Variants in TBC1D4 observed in about 807,000 individuals in gnomAD.
TBC1D4 encodes TBC1 domain family member 4, also known as TBC (Tre-2, BUB2, CDC16) domain-containing protein.
In TBC1D4, 121 loss-of-function variants were observed where a neutral mutation model predicts 142.5. The observed-to-expected ratio is 0.85, with a 90% CI of 0.73 to 0.99. The LOEUF is 0.99. Ranked by LOEUF, TBC1D4 falls within the 50% of genes least tolerant of loss-of-function variation. The pLI is 0.00. For missense variants in TBC1D4, 1,475 were observed against 1,606.6 expected (o/e 0.92, Z 1.40); for synonymous variants, 630 against 628.2 (o/e 1.00, Z -0.04).
chr13:75,400,307 A>G (rs9543922), intron 1 of TBC1D4, among the ~76,000 whole-genome samples: 151,476 of 152,230 alleles, frequency 1, 75,368 homozygotes, highest in Middle Eastern at 1. Context: ...CACTGTTTAC[A>G]TGGTTCCCAT....
intron 5 of TBC1D4, among the ~76,000 whole-genome samples, chr13:75,344,344 A>C (rs778659881): frequency 3.3e-5 from 5 of 152,264 alleles, no homozygotes; most frequent in Non-Finnish European, 7.3e-5. Flanking sequence ...AACTAAATTC[A>C]TAAACTAGGA....
At chr13:75,335,305 C>T (rs1039719080) in intron 8 of TBC1D4, among the ~76,000 whole-genome samples, 2 of 152,162 alleles carry the variant, frequency 1.3e-5, no homozygotes, top group Admixed American at 1.3e-4. Flanking sequence ...CAGTGGGTCC[C>T]CCATGCCACA....
intron 4 of TBC1D4, among the ~76,000 whole-genome samples, chr13:75,353,202 A>G (rs575380953): frequency 6.6e-6 from 1 of 152,312 alleles, no homozygotes; most frequent in African/African-American, 2.4e-5. Flanking sequence ...CAGACTTTCT[A>G]CTGTGATTCC....
chr13:75,340,821 C>A (rs1337303994), intron 7 of TBC1D4, among the ~76,000 whole-genome samples: 2 of 152,156 alleles, frequency 1.3e-5, no homozygotes, highest in African/African-American at 4.8e-5. Flanking sequence ...TGGTGCATGC[C>A]TGTAGTCCCA....
At chr13:75,326,158 T>G in intron 10 of TBC1D4, 39 bp downstream of exon 10, 2,020 of 1,592,056 alleles carry the variant, frequency 1.3e-3, no homozygotes, top group Non-Finnish European at 1.6e-3. Context: ...CTGTGTGCCT[T>G]GAGAATCTAG....
chr13:75,328,913 G>A (rs1364283071), intron 8 of TBC1D4, among the ~76,000 whole-genome samples: 1 of 151,934 alleles, frequency 6.6e-6, no homozygotes, highest in Non-Finnish European at 1.5e-5. Flanking sequence ...AAAAGTGGTG[G>A]TCATCAACCC....
At chr13:75,289,744 T>C (rs537222128) in intron 19 of TBC1D4, among the ~76,000 whole-genome samples, 4 of 152,266 alleles carry the variant, frequency 2.6e-5, no homozygotes, top group Admixed American at 1.3e-4. Context: ...TAAGGTTTAA[T>C]TAGGGCTGCT....
intron 17 of TBC1D4, 143 bp downstream of exon 17, chr13:75,299,187 G>T: frequency 7.1e-7 from 1 of 1,416,744 alleles, no homozygotes; most frequent in Non-Finnish European, 9.6e-7. Context: ...CACACTAAGT[G>T]AACTAAAACA....
intron 1 of TBC1D4, among the ~76,000 whole-genome samples, chr13:75,413,886 T>A (rs1300244446): frequency 7.9e-5 from 12 of 152,124 alleles, no homozygotes. Flanking sequence ...AAACCAAACA[T>A]GGTTCTCCTT....
At chr13:75,477,682 C>T (rs1888675932) in intron 1 of TBC1D4, among the ~76,000 whole-genome samples, 1 of 152,088 alleles carries the variant, frequency 6.6e-6, no homozygotes, top group South Asian at 2.1e-4. Context: ...TAATGCCATA[C>T]AGACTCTTTT....
rs1874540186 is a variant in TBC1D4, at chr13:75,284,974, C to T, written c.*1818G>A. ...CCTTGGCTACCATCGGTGCATCACA[C>T]CCATAAAGTAATTGTCATCAACAGA... is the stretch of plus-strand genomic sequence containing the variant. On this transcript the variant is annotated 3_prime_UTR_variant, in exon 21 of 21. Coordinates refer to ENST00000377636, the MANE Select transcript of TBC1D4 (RefSeq NM_014832.5). 6.6e-6 allele frequency: 1 copy of T among 152,096 alleles called. No homozygotes were observed. Among genetic ancestry groups the T allele is most frequent in the South Asian group, 2.1e-4 (1 of 4,830 alleles). 9.4% of individuals were successfully genotyped at this position (152,096 alleles called of 1,614,324 possible).
intron 1 of TBC1D4, among the ~76,000 whole-genome samples, chr13:75,469,601 T>C (rs1295321819): frequency 6.6e-6 from 1 of 151,924 alleles, no homozygotes; most frequent in African/African-American, 2.4e-5. Flanking sequence ...CCAAACCCTA[T>C]CTCTACAAAA....
At chr13:75,291,024 C>A (rs1376690130) in intron 19 of TBC1D4, among the ~76,000 whole-genome samples, 2 of 152,178 alleles carry the variant, frequency 1.3e-5, no homozygotes, top group Non-Finnish European at 2.9e-5. Context: ...TTAAGCTTGT[C>A]CACTGCATCT....
chr13:75,415,431 A>G (rs1365776889), intron 1 of TBC1D4, among the ~76,000 whole-genome samples: 6 of 152,348 alleles, frequency 3.9e-5, no homozygotes, highest in Admixed American at 3.9e-4. Context: ...TTATCAAGCC[A>G]TCTTCACATA....
chr13:75,366,967 T>C, intron 1 of TBC1D4: 1 of 985,428 alleles, frequency 1.0e-6, no homozygotes, highest in Non-Finnish European at 1.2e-6. Flanking sequence ...AGCAATGATT[T>C]TGCCAAACTG....
In TBC1D4 at chr13:75,284,944, A is replaced by G. The variant is rs1488902952; in HGVS notation, c.*1848T>C. On this transcript the variant is annotated 3_prime_UTR_variant, in exon 21 of 21. Coordinates refer to ENST00000377636, the MANE Select transcript of TBC1D4 (RefSeq NM_014832.5). The stretch of plus-strand genomic sequence containing the variant: ...AGGTTTCTTTCCGAACTTCCCCAAC[A>G]GATTCCTTGGCTACCATCGGTGCAT... The G allele has an allele frequency of 3.3e-5, 5 of 152,294 alleles. No homozygotes were observed. Among genetic ancestry groups the G allele is most frequent in the African/African-American group, 1.2e-4 (5 of 41,544 alleles). 9.4% of individuals were successfully genotyped at this position (152,294 alleles called of 1,614,324 possible). A position where few individuals can be genotyped will look rare whatever the true frequency, so the allele number is the denominator to read the frequency against.
intron 4 of TBC1D4, among the ~76,000 whole-genome samples, chr13:75,353,430 C>T (rs935374892): frequency 1.3e-5 from 2 of 152,084 alleles, no homozygotes; most frequent in Non-Finnish European, 2.9e-5. Flanking sequence ...GTACCAAGCA[C>T]CTGCTATCCT....
At chr13:75,344,572 G>A (rs191999956) in intron 5 of TBC1D4, among the ~76,000 whole-genome samples, 31 of 152,064 alleles carry the variant, frequency 2.0e-4, no homozygotes, top group African/African-American at 6.0e-4. Context: ...GGTCTATCTC[G>A]GTGATACTCA....
intron 1 of TBC1D4, among the ~76,000 whole-genome samples, chr13:75,371,458 G>T (rs986815601): frequency 6.6e-6 from 1 of 152,224 alleles, no homozygotes; most frequent in African/African-American, 2.4e-5. Flanking sequence ...GGTGCAGGCA[G>T]ATGGGTGATG....
Sources: allele counts gnomAD v4.1 joint callset (sites outside exome capture counted in the v4.1 genomes callset), GRCh38; gene constraint gnomAD v4.1.1; transcripts MANE v1.5; gene names NCBI Gene and HGNC (gene_info 2026-07-23, HGNC 2026-07-21).